RBMS1: variants seen among roughly 807,000 people sequenced by gnomAD.
RBMS1 encodes RNA binding motif single stranded interacting protein 1.
Under a neutral mutation model 62.3 loss-of-function variants are expected in RBMS1, and 17 were observed. The observed-to-expected ratio is 0.27, with a 90% CI of 0.19 to 0.41. The LOEUF (loss-of-function observed/expected upper bound fraction) is 0.41, where lower values mean the gene tolerates loss of function less well. RBMS1 is among the 10% of genes least tolerant of loss of function. RBMS1 has a pLI of 1.00. For missense variants in RBMS1, 334 were observed against 504.5 expected (o/e 0.66, Z 3.24); for synonymous variants, 172 against 170.0 (o/e 1.01, Z -0.09).
At chr2:160,322,902 C>G (rs777768299) in intron 2 of RBMS1, among the ~76,000 whole-genome samples, 3 of 152,096 alleles carry the variant, frequency 2.0e-5, no homozygotes, top group Non-Finnish European at 2.9e-5. Context: ...AGGTCCAGAT[C>G]TAGAATATGA....
chr2:160,406,544 G>A (rs770154244), intron 1 of RBMS1, among the ~76,000 whole-genome samples: 1 of 152,198 alleles, frequency 6.6e-6, no homozygotes, highest in Non-Finnish European at 1.5e-5. Flanking sequence ...CTGCAATCCT[G>A]TTTTTGTTTT....
intron 6 of RBMS1, among the ~76,000 whole-genome samples, chr2:160,293,038 G>A (rs1030215881): frequency 1.3e-5 from 2 of 152,218 alleles, no homozygotes; most frequent in Non-Finnish European, 2.9e-5. Flanking sequence ...TTCAGATCCA[G>A]TTCTGTTTTA....
intron 1 of RBMS1, chr2:160,407,316 C>T (rs1450375551): frequency 6.3e-5 from 62 of 981,066 alleles, no homozygotes; most frequent in Non-Finnish European, 7.4e-5. Context: ...CTCAGGTCGC[C>T]GGCCGAGCAG....
intron 1 of RBMS1, among the ~76,000 whole-genome samples, chr2:160,463,531 C>T (rs557566866): frequency 6.6e-6 from 1 of 152,324 alleles, no homozygotes; most frequent in Non-Finnish European, 1.5e-5. Context: ...GGCCTATAAT[C>T]CCAGCACTTT....
chr2:160,315,900 CTTAA>C (rs1690194555), intron 3 of RBMS1, among the ~76,000 whole-genome samples: 1 of 152,082 alleles, frequency 6.6e-6, no homozygotes, highest in African/African-American at 2.4e-5. Context: ...TTTCCTTCAG[CTTAA>C]TTCTCTTGAA....
chr2:160,364,375 CATCTTTCAT>C (rs1251273926), intron 2 of RBMS1, among the ~76,000 whole-genome samples: 2 of 152,202 alleles, frequency 1.3e-5, no homozygotes, highest in Non-Finnish European at 2.9e-5. Flanking sequence ...AGCTGGTTGA[CATCTTTCAT>C]TAAATGTTTC....
chr2:160,317,556 T>G (rs868028422), intron 3 of RBMS1, among the ~76,000 whole-genome samples: 1 of 152,034 alleles, frequency 6.6e-6, no homozygotes, highest in Non-Finnish European at 1.5e-5. Flanking sequence ...CCTAATTACA[T>G]GGAAAACTGA....
At chr2:160,376,234 T>TA (rs956086008) in intron 1 of RBMS1, among the ~76,000 whole-genome samples, 3 of 152,036 alleles carry the variant, frequency 2.0e-5, no homozygotes, top group Non-Finnish European at 4.4e-5. Context: ...AGTAAGCTTA[T>TA]AAAAAAAATA....
chr2:160,334,220 T>C (rs771113402), intron 2 of RBMS1, among the ~76,000 whole-genome samples: 2 of 152,208 alleles, frequency 1.3e-5, no homozygotes, highest in Non-Finnish European at 2.9e-5. Context: ...TAATGCATTT[T>C]AGGTGCTCAA....
At chr2:160,454,601 G>T (rs1022545219) in intron 1 of RBMS1, among the ~76,000 whole-genome samples, 2 of 152,042 alleles carry the variant, frequency 1.3e-5, no homozygotes, top group African/African-American at 4.8e-5. Flanking sequence ...AGGTCCTGAG[G>T]CAGGAAGGAT....
At chr2:160,396,113 G>C (rs143699088) in intron 1 of RBMS1, among the ~76,000 whole-genome samples, 2 of 151,958 alleles carry the variant, frequency 1.3e-5, no homozygotes, top group African/African-American at 4.8e-5. Context: ...ATGTCCCTTC[G>C]AGTGATAAGA....
intron 2 of RBMS1, among the ~76,000 whole-genome samples, chr2:160,339,416 C>T (rs947560033): frequency 1.4e-4 from 21 of 152,204 alleles, no homozygotes; most frequent in African/African-American, 3.9e-4. Context: ...ACTTGTTACT[C>T]GTTTTTCCTG....
At chr2:160,365,949 C>T (rs1254584671) in intron 2 of RBMS1, among the ~76,000 whole-genome samples, 2 of 152,222 alleles carry the variant, frequency 1.3e-5, no homozygotes, top group Non-Finnish European at 2.9e-5. Context: ...AAGAGCTGGG[C>T]TTGCTTTCAC....
intron 1 of RBMS1, among the ~76,000 whole-genome samples, chr2:160,384,007 C>T (rs1457507801): frequency 6.6e-6 from 1 of 152,166 alleles, no homozygotes; most frequent in Admixed American, 6.5e-5. Flanking sequence ...ACCATCCTGG[C>T]TAACACAGTG....
At chr2:160,436,277 G>A (rs1683106850) in intron 1 of RBMS1, among the ~76,000 whole-genome samples, 1 of 152,196 alleles carries the variant, frequency 6.6e-6, no homozygotes, top group Non-Finnish European at 1.5e-5. Context: ...CTTGGAAGCT[G>A]ACCACCATGT....
At chr2:160,470,754 C>T (rs534607023) in intron 1 of RBMS1, among the ~76,000 whole-genome samples, 1 of 152,188 alleles carries the variant, frequency 6.6e-6, no homozygotes, top group Non-Finnish European at 1.5e-5. Context: ...TGTACTCGCT[C>T]TCAGAGTGGG....
chr2:160,338,696 T>C (rs1012281441), intron 2 of RBMS1, among the ~76,000 whole-genome samples: 1 of 152,216 alleles, frequency 6.6e-6, no homozygotes, highest in African/African-American at 2.4e-5. Flanking sequence ...ACCTTTGACA[T>C]AATTGGTGCT....
At chr2:160,396,868 G>A in intron 1 of RBMS1, among the ~76,000 whole-genome samples, 1 of 152,004 alleles carries the variant, frequency 6.6e-6, no homozygotes, top group South Asian at 2.1e-4. Flanking sequence ...CAGCCGTAGG[G>A]AATGTCTACC....
At chr2:160,324,899 T>TAC (rs1162326679) in intron 2 of RBMS1, among the ~76,000 whole-genome samples, 11 of 120,750 alleles carry the variant, frequency 9.1e-5, no homozygotes, top group African/African-American at 3.4e-4. Context: ...TATATATATA[T>TAC]ATATATATAC....
Sources: allele counts gnomAD v4.1 joint callset (sites outside exome capture counted in the v4.1 genomes callset), GRCh38; gene constraint gnomAD v4.1.1; transcripts MANE v1.5; gene names NCBI Gene and HGNC (gene_info 2026-07-23, HGNC 2026-07-21).